The following KAZN variants were observed in gnomAD, a reference collection of about 807,000 sequenced individuals.
KAZN encodes kazrin.
A neutral mutation model predicts 87.4 loss-of-function variants in KAZN; 40 were observed. That is an observed-to-expected ratio of 0.46 (90% CI 0.36 to 0.60). KAZN has a LOEUF of 0.60. KAZN is among the 20% of genes least tolerant of loss of function. KAZN has a pLI of 0.00. For synonymous variants in KAZN, 466 were observed against 458.3 expected (o/e 1.02, Z -0.22); for missense variants, 898 against 1,073.9 (o/e 0.84, Z 2.29).
intron 1 of KAZN, among the ~76,000 whole-genome samples, chr1:13,984,096 T>C (rs1220074636): frequency 2.0e-5 from 3 of 152,134 alleles, no homozygotes; most frequent in Non-Finnish European, 4.4e-5. Flanking sequence ...CTACAAGCTC[T>C]GCCTCCCAGA....
intron 1 of KAZN, among the ~76,000 whole-genome samples, chr1:14,898,869 C>T (rs947233418): frequency 1.3e-5 from 2 of 152,162 alleles, no homozygotes; most frequent in African/African-American, 4.8e-5. Context: ...CCCTATAAAC[C>T]ATCAAAATGT....
rs1038944711 is a variant in KAZN, at chr1:14,996,446, G to T, written c.418+35571G>T. 2.6e-5 allele frequency among the ~76,000 whole-genome samples: 4 copies of T among 152,212 alleles called. No individual in the cohort carries two copies. The highest frequency in any genetic ancestry group is 2.6e-4 in the Admixed American group (4 of 15,276). On this transcript the variant is annotated intron_variant, in intron 2 of 14. Coordinates refer to ENST00000376030, the MANE Select transcript of KAZN (RefSeq NM_201628.3). The surrounding 1 kb of genome is among the most constrained non-coding windows in gnomAD (Gnocchi z 5.9). ...AGTCATCACTGTATCATCAGACCCGGCACAGGGCCTGGCCTACAGTGGGTG... is the reference window on the plus strand; with the variant it reads ...AGTCATCACTGTATCATCAGACCCGTCACAGGGCCTGGCCTACAGTGGGTG...
chr1:14,272,006 A>G (rs1571193330), intron 2 of KAZN, among the ~76,000 whole-genome samples: 1 of 152,262 alleles, frequency 6.6e-6, no homozygotes, highest in South Asian at 2.1e-4. Flanking sequence ...AGTGATAGTA[A>G]AGAATCAATG....
At chr1:14,285,371 T>C (rs1653161388) in intron 2 of KAZN, among the ~76,000 whole-genome samples, 1 of 152,202 alleles carries the variant, frequency 6.6e-6, no homozygotes, top group African/African-American at 2.4e-5. Flanking sequence ...TTTGGCAGTC[T>C]ATTGGTTCCT....
At chr1:14,616,724 G>GTT (rs1318414441) in intron 1 of KAZN, among the ~76,000 whole-genome samples, 1 of 152,218 alleles carries the variant, frequency 6.6e-6, no homozygotes, top group African/African-American at 2.4e-5. Flanking sequence ...TCTTGGAGCT[G>GTT]CGATCTCAGG....
chr1:14,433,459 T>C (rs553013016), intron 2 of KAZN, among the ~76,000 whole-genome samples: 1 of 152,318 alleles, frequency 6.6e-6, no homozygotes, highest in African/African-American at 2.4e-5. Flanking sequence ...ATGCACGTGT[T>C]GAAGCCCTGT....
intron 1 of KAZN, among the ~76,000 whole-genome samples, chr1:14,885,683 T>C (rs1653962667): frequency 6.6e-6 from 1 of 152,018 alleles, no homozygotes; most frequent in East Asian, 1.9e-4. Flanking sequence ...AGCAGTACCG[T>C]GTAAGCAAGT....
intron 13 of KAZN, 40 bp from the exon 14 acceptor site, chr1:15,112,387 C>A: frequency 8.6e-7 from 1 of 1,159,224 alleles, no homozygotes; most frequent in Non-Finnish European, 1.3e-6. Context: ...GGGGAGCTGA[C>A]TGAGCCTCCC....
intron 1 of KAZN, among the ~76,000 whole-genome samples, chr1:14,006,184 T>C (rs1419010333): frequency 6.6e-6 from 1 of 152,234 alleles, no homozygotes; most frequent in East Asian, 1.9e-4. Flanking sequence ...ATTTTTGCTT[T>C]GTTGCCTGTG....
intron 2 of KAZN, among the ~76,000 whole-genome samples, chr1:14,288,880 T>C (rs1023890575): frequency 6.6e-5 from 10 of 152,246 alleles, no homozygotes; most frequent in African/African-American, 2.4e-4. Flanking sequence ...TGGTGTGTTG[T>C]GTCTTTGTTC....
At chr1:14,178,959 C>G (rs1473911694) in intron 1 of KAZN, among the ~76,000 whole-genome samples, 2 of 152,146 alleles carry the variant, frequency 1.3e-5, no homozygotes, top group African/African-American at 2.4e-5. Context: ...TCTGGAGTCT[C>G]TAATGAATGT....
chr1:14,930,031 G>C, intron 1 of KAZN: 25 of 985,590 alleles, frequency 2.5e-5, no homozygotes, highest in Non-Finnish European at 3.0e-5. Flanking sequence ...TTCGGAACCA[G>C]AAGAGTGTGA....
At chr1:14,365,861 A>G (rs990611499) in intron 2 of KAZN, among the ~76,000 whole-genome samples, 1 of 152,226 alleles carries the variant, frequency 6.6e-6, no homozygotes, top group Non-Finnish European at 1.5e-5. Context: ...GTTAGGTCAT[A>G]AAGTGTAGAT....
intron 4 of KAZN, among the ~76,000 whole-genome samples, chr1:15,054,404 C>A (rs1248929576): frequency 6.6e-6 from 1 of 152,104 alleles, no homozygotes; most frequent in African/African-American, 2.4e-5. Flanking sequence ...TGCATTAACA[C>A]TTTGAGAGGC....
intron 1 of KAZN, among the ~76,000 whole-genome samples, chr1:14,135,013 A>ACACACACG (rs773956027): frequency 0.014 from 1,050 of 77,134 alleles, 19 homozygotes; most frequent in African/African-American, 0.045. Flanking sequence ...ATGTGCACAC[A>ACACACACG]TGCACACATA....
At chr1:14,603,313 T>A (rs1183257948) in intron 1 of KAZN, among the ~76,000 whole-genome samples, 2 of 152,186 alleles carry the variant, frequency 1.3e-5, no homozygotes, top group Admixed American at 1.3e-4. Context: ...AGCTTGCCAC[T>A]AAGTTACAGA....
intron 1 of KAZN, among the ~76,000 whole-genome samples, chr1:14,871,382 C>A (rs1028974728): frequency 1.3e-5 from 2 of 152,014 alleles, no homozygotes; most frequent in Admixed American, 6.6e-5. Flanking sequence ...CTTTTGCATA[C>A]AAATTGCCCT....
intron 2 of KAZN, among the ~76,000 whole-genome samples, chr1:14,266,466 T>C (rs1651480051): frequency 6.6e-6 from 1 of 152,258 alleles, no homozygotes; most frequent in Non-Finnish European, 1.5e-5. Context: ...GTTAAATTAC[T>C]ATGGCATATT....
At chr1:14,422,648 C>G (rs1665500931) in intron 2 of KAZN, among the ~76,000 whole-genome samples, 1 of 152,206 alleles carries the variant, frequency 6.6e-6, no homozygotes, top group Non-Finnish European at 1.5e-5. Flanking sequence ...TATTCAAATA[C>G]AGTTATATGA....
Sources: allele counts gnomAD v4.1 joint callset (sites outside exome capture counted in the v4.1 genomes callset), GRCh38; gene constraint gnomAD v4.1.1; non-coding constraint Gnocchi (gnomAD v3.1); transcripts MANE v1.5; gene names NCBI Gene and HGNC (gene_info 2026-07-23, HGNC 2026-07-21).